The following RNF6 variants were observed in gnomAD, a reference collection of about 807,000 sequenced individuals.
RNF6 encodes E3 ubiquitin-protein ligase RNF6.
Under a neutral mutation model 50.1 loss-of-function variants are expected in RNF6, and 21 were observed. That is an observed-to-expected ratio of 0.42 (90% confidence interval 0.30 to 0.60). The LOEUF is 0.60. Among genes scored for constraint, RNF6 ranks in the 20% least tolerant of loss-of-function variants. The pLI, the probability that RNF6 is intolerant of heterozygous loss-of-function variation, is 0.20. For missense variants in RNF6, 698 were observed against 838.2 expected, an observed-to-expected ratio of 0.83 and a Z score of 2.07; for synonymous variants, 255 against 291.8, an observed-to-expected ratio of 0.87 and a Z score of 1.29.
chr13:26,184,018 A>ATATATATTT (rs1335766541), intron 5 of RNF6, among the ~76,000 whole-genome samples: 1 of 33,940 alleles, frequency 2.9e-5, no homozygotes, highest in African/African-American at 9.3e-5. Context: ...ATATATATAT[A>ATATATATTT]TTTTTTTTTT....
At chr13:26,203,862 A>G (rs1954390488) in intron 5 of RNF6, among the ~76,000 whole-genome samples, 1 of 152,166 alleles carries the variant, frequency 6.6e-6, no homozygotes. Context: ...CTGAGGCAGG[A>G]GAATGGCGTG....
intron 5 of RNF6, among the ~76,000 whole-genome samples, chr13:26,200,305 T>C (rs1868845002): frequency 6.6e-6 from 1 of 152,028 alleles, no homozygotes; most frequent in Non-Finnish European, 1.5e-5. Flanking sequence ...AGGGAGAATG[T>C]AGAACAATTG....
chr13:26,202,341 G>C (rs1039792756), intron 5 of RNF6, among the ~76,000 whole-genome samples: 1 of 152,184 alleles, frequency 6.6e-6, no homozygotes, highest in African/African-American at 2.4e-5. Context: ...GCATTTCCAA[G>C]GGGGTGCTGC....
chr13:26,181,279 G>A (rs566580860), intron 5 of RNF6, among the ~76,000 whole-genome samples: 1 of 152,322 alleles, frequency 6.6e-6, no homozygotes, highest in South Asian at 2.1e-4. Context: ...CCTCCAGGAT[G>A]TGCACTCTAA....
intron 5 of RNF6, among the ~76,000 whole-genome samples, chr13:26,185,157 C>T (rs568521345): frequency 3.9e-5 from 6 of 151,920 alleles, no homozygotes; most frequent in African/African-American, 1.2e-4. Flanking sequence ...CCACCATGCC[C>T]GGCTAATTTT....
intron 5 of RNF6, among the ~76,000 whole-genome samples, chr13:26,176,915 C>A (rs1483263719): frequency 6.6e-6 from 1 of 152,188 alleles, no homozygotes; most frequent in African/African-American, 2.4e-5. Flanking sequence ...GCCTGGGAGA[C>A]AGAGTGAGAC....
Position 26,149,996 on chromosome 13 carries a change from ACACAGTGTATATATAATGTG to A in RNF6, n.769-17565_769-17546del, listed in dbSNP as rs1417454917. On this transcript the variant is annotated intron_variant and non_coding_transcript_variant, in intron 5 of 5. Transcript: ENST00000468480. ...GTATATATAATGTGTATATATATAT[ACACAGTGTATATATAATGTG>A]TATATATATATACACAGTGTATATA... is the stretch of plus-strand genomic sequence containing the variant. 7.4e-4 allele frequency among the ~76,000 whole-genome samples: 98 copies of A among 132,944 alleles called. 1 individual carries two copies. The highest frequency in any genetic ancestry group is 2.5e-3 in the African/African-American group (86 of 34,314). The allele number at this position is 132,944 out of a possible 152,430, so 87.2% of individuals were successfully genotyped here.
At chr13:26,188,623 C>CTTTGTTTTTTT (rs1873666214) in intron 5 of RNF6, among the ~76,000 whole-genome samples, 1 of 43,258 alleles carries the variant, frequency 2.3e-5, no homozygotes, top group Non-Finnish European at 3.9e-5. Context: ...GTCAAAAGAG[C>CTTTGTTTTTTT]TTTTTTTTTT....
At chr13:26,162,877 G>T (rs1428186516) in intron 5 of RNF6, among the ~76,000 whole-genome samples, 1 of 152,170 alleles carries the variant, frequency 6.6e-6, no homozygotes, top group African/African-American at 2.4e-5. Context: ...CATCTCTGTA[G>T]CACATTGATT....
At chr13:26,205,614 A>C (rs1050198610) in intron 5 of RNF6, among the ~76,000 whole-genome samples, 1 of 151,902 alleles carries the variant, frequency 6.6e-6, no homozygotes, top group Non-Finnish European at 1.5e-5. Flanking sequence ...TTGAATAGGA[A>C]GGTGTTTACT....
At position 26,215,559 on chromosome 13, in the gene RNF6, T is replaced by C. The variant is rs773803704; in HGVS notation, c.323A>G (p.Asp108Gly). ...SEVPRESSHE[D>G]SLLEWLNTFR... Reference sequence around the variant, plus strand: ...GGTGTTCAACCATTCTAGAAGAGAATCTTCATGTGAACTTTCTCTAGGGAC... The same window carrying C: ...GGTGTTCAACCATTCTAGAAGAGAACCTTCATGTGAACTTTCTCTAGGGAC... The change falls in exon 5 of 5, where the codon GAT (aspartate) becomes GGT (glycine). Residue 108 changes from aspartate to glycine, a missense_variant. Physicochemically the swap from Asp to Gly is moderately conservative, Grantham distance 94 (BLOSUM62 -1). Transcript: ENST00000381588. The C allele has an allele frequency of 1.2e-6, 2 of 1,608,532 alleles. No homozygotes were observed. Among genetic ancestry groups the C allele is most frequent in the Non-Finnish European group, 1.7e-6 (2 of 1,179,696 alleles).
At chr13:26,163,346 G>A (rs1872306982) in intron 5 of RNF6, among the ~76,000 whole-genome samples, 1 of 151,670 alleles carries the variant, frequency 6.6e-6, no homozygotes. Context: ...GGCCAGTTTT[G>A]TTTCGTCCAT....
intron 5 of RNF6, among the ~76,000 whole-genome samples, chr13:26,197,491 C>G (rs952530347): frequency 2.6e-5 from 4 of 151,932 alleles, no homozygotes; most frequent in South Asian, 2.1e-4. Flanking sequence ...TAAACAAACA[C>G]AGATGGCCTA....
chr13:26,138,578 T>C (rs962638844), intron 5 of RNF6, among the ~76,000 whole-genome samples: 1 of 152,152 alleles, frequency 6.6e-6, no homozygotes, highest in Admixed American at 6.6e-5. Flanking sequence ...AAAGATGTAA[T>C]TTGTGATAAT....
chr13:26,169,342 A>G (rs1407144868), intron 5 of RNF6, among the ~76,000 whole-genome samples: 2 of 151,784 alleles, frequency 1.3e-5, no homozygotes, highest in East Asian at 3.9e-4. Flanking sequence ...GGGAAAGACG[A>G]AAGGGGAGGA....
rs543034734 is a variant in RNF6 at position 26,175,410 on chromosome 13, C to T, written n.768+40064G>A. Reference sequence around the variant, plus strand: ...GTGATTTTTGAGAGGACACCTGACGCGAAGAGTAAGAAACTTTCCTCTCCA... The same window carrying T: ...GTGATTTTTGAGAGGACACCTGACGTGAAGAGTAAGAAACTTTCCTCTCCA... On this transcript the variant is annotated intron_variant and non_coding_transcript_variant, in intron 5 of 5. Coordinates refer to the RNF6 transcript ENST00000468480. 3.0e-3 allele frequency among the ~76,000 whole-genome samples: 464 copies of T among 152,156 alleles called. 4 individuals carry two copies. The highest frequency in any genetic ancestry group is 4.9e-3 in the Non-Finnish European group (333 of 67,982).
At chr13:26,142,775 G>T (rs1317651767) in intron 5 of RNF6, among the ~76,000 whole-genome samples, 1 of 152,086 alleles carries the variant, frequency 6.6e-6, no homozygotes, top group Non-Finnish European at 1.5e-5. Context: ...TGGGTACTGT[G>T]TTCACTACCT....
intron 5 of RNF6, among the ~76,000 whole-genome samples, chr13:26,156,238 C>T (rs975281567): frequency 2.0e-5 from 3 of 152,052 alleles, no homozygotes; most frequent in African/African-American, 7.2e-5. Context: ...CACTGGACAA[C>T]ACTGAATTCA....
At chr13:26,217,581 T>G (rs1376832003) in intron 4 of RNF6, among the ~76,000 whole-genome samples, 1 of 152,244 alleles carries the variant, frequency 6.6e-6, no homozygotes, top group Non-Finnish European at 1.5e-5. Context: ...GCGACTTACC[T>G]TGATCATACA....
Sources: gnomAD v4.1 joint callset for allele counts (sites outside exome capture counted in the v4.1 genomes callset) on GRCh38, gnomAD v4.1.1 for gene constraint, MANE v1.5 for transcripts, NCBI Gene and HGNC (gene_info 2026-07-23, HGNC 2026-07-21) for gene names.